Variants in SYT17 observed in about 807,000 individuals in gnomAD.
SYT17 encodes the protein synaptotagmin-17.
SYT17 carries 22 observed loss-of-function variants against 46.7 expected under a neutral mutation model. That is an observed-to-expected ratio of 0.47 (90% CI 0.34 to 0.67). SYT17 has a LOEUF of 0.67. Among genes scored for constraint, SYT17 ranks in the 30% least tolerant of loss-of-function variants. The pLI, the probability that SYT17 is intolerant of heterozygous loss-of-function variation, is 0.01. For synonymous variants in SYT17, 251 were observed against 248.4 expected (o/e 1.01, Z -0.10); for missense variants, 519 against 612.8 (o/e 0.85, Z 1.62).
chr16:19,213,888 TAC>T (rs1397395290), intron 5 of SYT17, among the ~76,000 whole-genome samples: 2 of 152,178 alleles, frequency 1.3e-5, no homozygotes, highest in Non-Finnish European at 2.9e-5. Context: ...TTGTTCAGGG[TAC>T]AGTTATGTAT....
At chr16:19,226,910 G>A (rs561407515) in intron 7 of SYT17, among the ~76,000 whole-genome samples, 4 of 152,264 alleles carry the variant, frequency 2.6e-5, no homozygotes, top group East Asian at 1.9e-4. Context: ...TAGCACACAC[G>A]TGTTATAATG....
At chr16:19,224,090 G>A (rs1444894949) in intron 6 of SYT17, among the ~76,000 whole-genome samples, 2 of 152,162 alleles carry the variant, frequency 1.3e-5, no homozygotes, top group Non-Finnish European at 2.9e-5. Flanking sequence ...TTTGTAAACT[G>A]TAAAATGATC....
intron 7 of SYT17, among the ~76,000 whole-genome samples, chr16:19,246,410 AAATG>A (rs1220207449): frequency 1.3e-5 from 2 of 152,252 alleles, no homozygotes; most frequent in Admixed American, 6.5e-5. Context: ...GAATATGTAA[AAATG>A]AATATCACTT....
chr16:19,191,265 A>C (rs1965008775), intron 5 of SYT17, among the ~76,000 whole-genome samples: 1 of 152,092 alleles, frequency 6.6e-6, no homozygotes, highest in South Asian at 2.1e-4. Context: ...AAGTTTTCCT[A>C]AATTCGTATG....
chr16:19,208,541 G>A (rs1316898940), intron 5 of SYT17, among the ~76,000 whole-genome samples: 1 of 152,108 alleles, frequency 6.6e-6, no homozygotes, highest in African/African-American at 2.4e-5. Context: ...GAACAGCATG[G>A]GGAAATCCAC....
At chr16:19,246,779 T>C (rs1364795488) in intron 7 of SYT17, among the ~76,000 whole-genome samples, 1 of 152,238 alleles carries the variant, frequency 6.6e-6, no homozygotes, top group African/African-American at 2.4e-5. Context: ...TATTTATTCA[T>C]TTAACAAATA....
chr16:19,235,081 G>T lies in SYT17; in HGVS notation c.1228+10243G>T, dbSNP rs935998006. Among the ~76,000 whole-genome samples, 36 of 152,260 alleles carry T rather than the reference G, an allele frequency of 2.4e-4. 2 individuals are homozygous for T. The highest frequency in any genetic ancestry group is 2.2e-3 in the Admixed American group (34 of 15,288). On this transcript the variant is annotated intron_variant, in intron 7 of 7. Transcript: ENST00000355377. ...CAAGACCTGGCAGTAGGCACTCAGC[G>T]CCAGATCAGTCATGGGAAGTGAGCT... is the stretch of plus-strand genomic sequence containing the variant.
intron 7 of SYT17, among the ~76,000 whole-genome samples, chr16:19,236,268 G>C (rs1457939690): frequency 6.6e-6 from 1 of 152,152 alleles, no homozygotes; most frequent in African/African-American, 2.4e-5. Flanking sequence ...GAACAATGGG[G>C]ACAGTAATAC....
intron 7 of SYT17, among the ~76,000 whole-genome samples, chr16:19,255,931 C>G (rs1226942485): frequency 1.3e-5 from 2 of 152,134 alleles, no homozygotes; most frequent in Non-Finnish European, 2.9e-5. Context: ...CTTGCTAGAT[C>G]ATCTCCACAT....
At chr16:19,225,629 G>A (rs1439016081) in intron 7 of SYT17, among the ~76,000 whole-genome samples, 2 of 152,122 alleles carry the variant, frequency 1.3e-5, no homozygotes, top group Non-Finnish European at 1.5e-5. Flanking sequence ...TCATCTGAAG[G>A]CTCAACTGGG....
chr16:19,257,093 C>T (rs553588073), intron 7 of SYT17, among the ~76,000 whole-genome samples: 2 of 152,192 alleles, frequency 1.3e-5, no homozygotes, highest in South Asian at 4.1e-4. Context: ...TTTCTCAGTT[C>T]GTAGTACACA....
At chr16:19,173,898 A>C (rs1278066477) in intron 3 of SYT17, among the ~76,000 whole-genome samples, 1 of 152,162 alleles carries the variant, frequency 6.6e-6, no homozygotes, top group Non-Finnish European at 1.5e-5. Context: ...CGAGCAGAAA[A>C]GGAGATCTGT....
chr16:19,217,500 CT>C (rs1966140900), intron 5 of SYT17, among the ~76,000 whole-genome samples: 1 of 152,110 alleles, frequency 6.6e-6, no homozygotes, highest in African/African-American at 2.4e-5. Flanking sequence ...GCTTCTTTCA[CT>C]TTTTTGAGGT....
intron 7 of SYT17, among the ~76,000 whole-genome samples, chr16:19,261,424 A>G (rs943416985): frequency 5.3e-5 from 8 of 152,358 alleles, no homozygotes; most frequent in African/African-American, 1.7e-4. Context: ...CCCACCTTTC[A>G]AGGGCCAAGT....
At chr16:19,202,241 TAATA>T (rs1424674195) in intron 5 of SYT17, among the ~76,000 whole-genome samples, 2 of 152,212 alleles carry the variant, frequency 1.3e-5, no homozygotes, top group Non-Finnish European at 2.9e-5. Context: ...CTGACCTGGC[TAATA>T]AATTGGGAGT....
At chr16:19,229,160 T>G (rs756756229) in intron 7 of SYT17, among the ~76,000 whole-genome samples, 1 of 152,202 alleles carries the variant, frequency 6.6e-6, no homozygotes, top group African/African-American at 2.4e-5. Flanking sequence ...CTGAGGTGAT[T>G]GGGCTTTTAC....
intron 4 of SYT17, among the ~76,000 whole-genome samples, chr16:19,181,939 C>T (rs1964572799): frequency 6.9e-6 from 1 of 144,686 alleles, no homozygotes; most frequent in Admixed American, 7.1e-5. Flanking sequence ...GTGGAGGTTG[C>T]AGTGAGCCGA....
At chr16:19,215,270 C>CA (rs1376720188) in intron 5 of SYT17, among the ~76,000 whole-genome samples, 1 of 152,166 alleles carries the variant, frequency 6.6e-6, no homozygotes, top group Non-Finnish European at 1.5e-5. Flanking sequence ...GCCAAGAGCA[C>CA]ACACCTGTTC....
rs1447132092 is a variant in SYT17 at position 19,183,327 on chromosome 16, T to C, written c.332-201T>C. Among the ~76,000 whole-genome samples the C allele has an allele frequency of 6.6e-6, 1 of 152,246 alleles. No homozygotes were observed. The highest frequency in any genetic ancestry group is 1.5e-5 in the Non-Finnish European group (1 of 68,038). On this transcript the variant is annotated intron_variant, in intron 4 of 7. Transcript: ENST00000355377. The surrounding 1 kb of genome is among the most constrained non-coding windows in gnomAD (Gnocchi z 5.6). ...GTCCATTAGAGCAGTGCCTGGCACTTAGCTGCTGTGATGATGGCAAGGTGT... is the reference window on the plus strand; with the variant it reads ...GTCCATTAGAGCAGTGCCTGGCACTCAGCTGCTGTGATGATGGCAAGGTGT...
Sources: gnomAD v4.1 joint callset for allele counts (sites outside exome capture counted in the v4.1 genomes callset) on GRCh38, gnomAD v4.1.1 for gene constraint, Gnocchi (gnomAD v3.1) non-coding constraint, MANE v1.5 for transcripts, NCBI Gene and HGNC (gene_info 2026-07-23, HGNC 2026-07-21) for gene names.